The following RAVER2 variants were observed in gnomAD, a reference collection of about 807,000 sequenced individuals.
RAVER2 encodes the protein ribonucleoprotein, PTB binding 2.
In RAVER2, 46 loss-of-function variants were observed where a neutral mutation model predicts 78.1. The observed-to-expected ratio is 0.59, with a 90% CI of 0.46 to 0.75. The LOEUF (loss-of-function observed/expected upper bound fraction) is 0.75, where lower values mean the gene tolerates loss of function less well. RAVER2 is among the 30% of genes least tolerant of loss of function. The pLI is 0.00. For missense variants in RAVER2, 793 were observed against 837.5 expected, an observed-to-expected ratio of 0.95 and a Z score of 0.66; for synonymous variants, 311 against 313.3, an observed-to-expected ratio of 0.99 and a Z score of 0.08.
intron 8 of RAVER2, 104 bp from the exon 9 acceptor site, chr1:64,807,102 A>G: frequency 1.5e-6 from 2 of 1,338,472 alleles, no homozygotes; most frequent in Non-Finnish European, 2.0e-6. Context: ...ACAGGTACAA[A>G]ATTGGTTTCT....
At chr1:64,777,282 G>A (rs1652491276) in intron 2 of RAVER2, among the ~76,000 whole-genome samples, 1 of 151,844 alleles carries the variant, frequency 6.6e-6, no homozygotes. Flanking sequence ...CAGGTTTTTG[G>A]GTGGGAGGAA....
chr1:64,765,809 G>T (rs564333563), intron 1 of RAVER2, among the ~76,000 whole-genome samples: 57 of 152,250 alleles, frequency 3.7e-4, no homozygotes, highest in African/African-American at 1.3e-3. Flanking sequence ...GAACAAAAAC[G>T]TGCTTCCATT....
At chr1:64,762,099 A>G (rs1652039360) in intron 1 of RAVER2, among the ~76,000 whole-genome samples, 2 of 152,254 alleles carry the variant, frequency 1.3e-5, no homozygotes, top group Non-Finnish European at 2.9e-5. Context: ...GTCAATGTAC[A>G]AGTATAAATG....
exon 11 of RAVER2, chr1:64,814,789 C>T (rs543644395): frequency 1.2e-5 from 19 of 1,588,912 alleles, no homozygotes; most frequent in Admixed American, 7.1e-5. Flanking sequence ...AATCACAACA[C>T]GCATTGGAAA....
chr1:64,787,690 G>A lies in RAVER2; in HGVS notation c.979-1698G>A, dbSNP rs368003781. ...GCACTTGTGTGCCATCCTGCTGTTC[G>A]TTGGTCCTATGGCTGTCACTGGGGT... is the stretch of plus-strand genomic sequence containing the variant. On this transcript the variant is annotated intron_variant, in intron 4 of 11. Transcript: ENST00000294428. Among the ~76,000 whole-genome samples, 26 of 152,288 alleles carry A rather than the reference G, an allele frequency of 1.7e-4. No homozygotes were observed. The East Asian group carries it at 4.1e-3, about 24-fold the overall frequency.
chr1:64,813,413 C>G (rs1228922582), intron 10 of RAVER2, among the ~76,000 whole-genome samples: 1 of 151,892 alleles, frequency 6.6e-6, no homozygotes, highest in African/African-American at 2.4e-5. Flanking sequence ...TGAGGGATAT[C>G]TACATATACT....
At chr1:64,768,705 A>T in exon 2 of RAVER2, 1 of 1,547,272 alleles carries the variant, frequency 6.5e-7, no homozygotes, top group Non-Finnish European at 8.9e-7. Flanking sequence ...TGTTATGTGG[A>T]CAGAAATAAA....
At chr1:64,748,329 T>A (rs72675408) in intron 1 of RAVER2, among the ~76,000 whole-genome samples, 7,405 of 152,316 alleles carry the variant, frequency 0.049, 293 homozygotes, top group Admixed American at 0.14. Context: ...TTAACAACTT[T>A]TCGGTTTGTC....
At chr1:64,770,926 G>GT (rs1192092598) in intron 2 of RAVER2, among the ~76,000 whole-genome samples, 12 of 151,944 alleles carry the variant, frequency 7.9e-5, no homozygotes, top group African/African-American at 2.7e-4. Context: ...CATGAACAGA[G>GT]TATCAGTGAA....
intron 4 of RAVER2, among the ~76,000 whole-genome samples, chr1:64,786,807 A>C (rs1308639880): frequency 6.6e-6 from 1 of 152,152 alleles, no homozygotes; most frequent in African/African-American, 2.4e-5. Flanking sequence ...AAAAAAAAAA[A>C]TACTATTTTG....
chr1:64,825,404 T>C (rs1457106484), intron 11 of RAVER2, among the ~76,000 whole-genome samples: 1 of 152,166 alleles, frequency 6.6e-6, no homozygotes, highest in Non-Finnish European at 1.5e-5. Flanking sequence ...GAAGTGGGGC[T>C]GAAGGTAAGG....
At chr1:64,829,540 G>A (rs1286066198) in intron 11 of RAVER2, among the ~76,000 whole-genome samples, 2 of 152,306 alleles carry the variant, frequency 1.3e-5, no homozygotes, top group Middle Eastern at 3.4e-3. Flanking sequence ...TTGGGGCAGA[G>A]GCTCCACCTA....
At chr1:64,824,426 A>C (rs181338621) in intron 11 of RAVER2, among the ~76,000 whole-genome samples, 6 of 152,360 alleles carry the variant, frequency 3.9e-5, no homozygotes, top group Non-Finnish European at 1.5e-5. Context: ...TTATGTAATG[A>C]ATGCTGTGTG....
rs779948859 is a variant in RAVER2 at position 64,745,455 on chromosome 1, A to AGGGGCGGC, written c.249+44_249+51dup. ...ACGGTGATAGGGGCGACGCGTCCCG[A>AGGGGCGGC]GGGGCGGCGGGGCGGCGCTCCGTGT... On this transcript the variant is annotated intron_variant, in intron 1 of 11. Coordinates refer to ENST00000294428, the Ensembl canonical transcript of RAVER2. The surrounding 1 kb of genome is among the most constrained non-coding windows in gnomAD (Gnocchi z 4.3). 1.1e-5 allele frequency: 17 copies of AGGGGCGGC among 1,496,658 alleles called. No homozygotes were observed. The highest frequency in any genetic ancestry group is 5.4e-5 in the East Asian group (2 of 36,846). The allele number at this position is 1,496,658 out of a possible 1,614,324, so 92.7% of individuals were successfully genotyped here. A position where few individuals can be genotyped will look rare whatever the true frequency, so the allele number is the denominator to read the frequency against.
intron 8 of RAVER2, among the ~76,000 whole-genome samples, 175 bp downstream of exon 8, chr1:64,805,280 T>C (rs1261917008): frequency 6.6e-6 from 1 of 152,196 alleles, no homozygotes; most frequent in Non-Finnish European, 1.5e-5. Context: ...AAGTTACTGA[T>C]GGACTTGCTT....
chr1:64,816,630 C>A (rs1260743119), intron 11 of RAVER2: 1 of 152,176 alleles, frequency 6.6e-6, no homozygotes, highest in Non-Finnish European at 1.5e-5. Flanking sequence ...TTAACACTTG[C>A]TATATGCTTT....
At chr1:64,794,417 A>C (rs1382349267) in intron 5 of RAVER2, among the ~76,000 whole-genome samples, 3 of 150,450 alleles carry the variant, frequency 2.0e-5, no homozygotes, top group African/African-American at 4.9e-5. Flanking sequence ...AAAAAAAAAA[A>C]CTGCCCAGCT....
intron 5 of RAVER2, among the ~76,000 whole-genome samples, chr1:64,801,517 T>TC (rs1192428827): frequency 5.5e-5 from 7 of 128,088 alleles, no homozygotes; most frequent in Non-Finnish European, 1.1e-4. Context: ...AAAAACATCC[T>TC]CCCTTTTTTT....
At position 64,804,982 on chromosome 1, in the gene RAVER2, CT is replaced by C; in HGVS notation, c.1297-5del. On this transcript the variant is annotated splice_polypyrimidine_tract_variant and splice_region_variant and intron_variant, in intron 7 of 11. Transcript: ENST00000294428. ...GCCATGGGTCTTACCTTTTTTTCTT[CT>C]TTTGTAGAAACCCGGCTTACTTGGA... 6.2e-7 allele frequency: 1 copy of C among 1,608,244 alleles called. No homozygotes were observed. Among genetic ancestry groups the C allele is most frequent in the East Asian group, 2.2e-5 (1 of 44,808 alleles).
Sources: gnomAD v4.1 joint callset for allele counts (sites outside exome capture counted in the v4.1 genomes callset) on GRCh38, gnomAD v4.1.1 for gene constraint, Gnocchi (gnomAD v3.1) non-coding constraint, MANE v1.5 for transcripts, NCBI Gene and HGNC (gene_info 2026-07-23, HGNC 2026-07-21) for gene names.